Variants in MGST2 observed in about 807,000 individuals in gnomAD.
MGST2 encodes glutathione peroxidase MGST2.
Under a neutral mutation model 16.6 loss-of-function variants are expected in MGST2, and 9 were observed. The ratio of observed to expected loss-of-function variants is 0.54; its 90% CI spans 0.33 to 0.95. The LOEUF is 0.95. Ranked by LOEUF, MGST2 falls within the 40% of genes least tolerant of loss-of-function variation. The pLI is 0.03. For missense variants in MGST2, 159 were observed against 175.1 expected, an observed-to-expected ratio of 0.91 and a Z score of 0.52; for synonymous variants, 79 against 68.0, an observed-to-expected ratio of 1.16 and a Z score of -0.79.
downstream of MGST2, among the ~76,000 whole-genome samples, chr4:139,741,878 T>C (rs1184599639): frequency 1.3e-5 from 2 of 152,204 alleles, no homozygotes; most frequent in Non-Finnish European, 2.9e-5. Context: ...ATAAAAACAT[T>C]GCATTTTTAA....
Position 139,719,409 on chromosome 4 carries a change from C to G in MGST2, c.*48+15213C>G, listed in dbSNP as rs187513501. 154 of 1,614,014 alleles carry G rather than the reference C, an allele frequency of 9.5e-5. 2 individuals are homozygous for G. In the East Asian group the frequency reaches 3.4e-3, roughly 36 times the overall value. The stretch of plus-strand genomic sequence containing the variant: ...ATGATGGAGTCCACAAGGTCTGCAC[C>G]GTCCGGGAGGCCAGGGAAGGAACCC... On this transcript the variant is annotated intron_variant, in intron 5 of 5. Coordinates refer to the MGST2 transcript ENST00000616265.
chr4:139,676,422 G>A (rs1195575134), intron 1 of MGST2, among the ~76,000 whole-genome samples: 35 of 152,116 alleles, frequency 2.3e-4, no homozygotes, highest in Admixed American at 2.3e-3. Flanking sequence ...ACACAGTTGT[G>A]GGGGCTGGCA....
At position 139,693,348 on chromosome 4, in the gene MGST2, T is replaced by C. The variant is rs1726723908; in HGVS notation, c.159-1849T>C. On this transcript the variant is annotated intron_variant, in intron 2 of 4. Transcript: ENST00000265498. ...TGAACCCAGGAGGCGGAGCTTGTAG[T>C]GAGCCGAGATCGTGCCACTGCACTC... is the stretch of plus-strand genomic sequence containing the variant. 2.8e-5 allele frequency among the ~76,000 whole-genome samples: 4 copies of C among 142,174 alleles called. No homozygotes were observed. The Admixed American group carries it at 3.1e-4, about 11-fold the overall frequency. The allele number at this position is 142,174 out of a possible 152,430, so 93.3% of individuals were successfully genotyped here.
intron 5 of MGST2, among the ~76,000 whole-genome samples, chr4:139,722,364 G>A (rs1431539175): frequency 2.0e-5 from 3 of 152,084 alleles, no homozygotes; most frequent in Non-Finnish European, 2.9e-5. Context: ...TATGCCTTCC[G>A]TGATTTTAAA....
At chr4:139,682,311 A>C (rs1170816479) in intron 2 of MGST2, among the ~76,000 whole-genome samples, 1 of 151,986 alleles carries the variant, frequency 6.6e-6, no homozygotes, top group Non-Finnish European at 1.5e-5. Context: ...CCTGGGGGGT[A>C]AGTTGGGTGG....
chr4:139,729,418 G>A (rs772624556), intron 5 of MGST2, among the ~76,000 whole-genome samples: 9 of 152,210 alleles, frequency 5.9e-5, no homozygotes, highest in Admixed American at 2.0e-4. Flanking sequence ...CCAGAAGTTC[G>A]AGACCAGCCT....
chr4:139,730,775 G>T, intron 5 of MGST2: 2 of 1,032,620 alleles, frequency 1.9e-6, no homozygotes, highest in Non-Finnish European at 2.8e-6. Flanking sequence ...CCAGCTTATG[G>T]ACTGGAGGGT....
chr4:139,692,164 A>C (rs1244978771), intron 2 of MGST2, among the ~76,000 whole-genome samples: 2 of 152,188 alleles, frequency 1.3e-5, no homozygotes, highest in African/African-American at 2.4e-5. Flanking sequence ...AGCCACTTGT[A>C]GGGGACAAAG....
chr4:139,666,006 G>A lies in MGST2; in HGVS notation c.-14G>A, dbSNP rs773629733. 5 of 1,614,036 alleles carry A rather than the reference G, an allele frequency of 3.1e-6. No homozygotes were observed. Among genetic ancestry groups the A allele is most frequent in the South Asian group, 2.2e-5 (2 of 91,070 alleles). On this transcript the variant is annotated 5_prime_UTR_variant, in exon 1 of 5. Coordinates refer to ENST00000265498, the MANE Select transcript of MGST2 (RefSeq NM_002413.5). ...TATCTTCCCGTGCGCTCTACAAATA[G>A]TTCCGTGAGAAAGATGGCCGGGAAC...
chr4:139,750,064 G>A, the MGST2 span, among the ~76,000 whole-genome samples: 1 of 152,128 alleles, frequency 6.6e-6, no homozygotes, highest in African/African-American at 2.4e-5. Flanking sequence ...GCCAAACACA[G>A]CCGTGAAACA....
chr4:139,691,039 C>T (rs770295998), intron 2 of MGST2, among the ~76,000 whole-genome samples: 1 of 152,200 alleles, frequency 6.6e-6, no homozygotes, highest in Admixed American at 6.5e-5. Flanking sequence ...ATTCCTCAGT[C>T]CCAGGCAAAC....
chr4:139,699,864 C>A (rs1335016527), intron 3 of MGST2, among the ~76,000 whole-genome samples: 2 of 151,918 alleles, frequency 1.3e-5, no homozygotes, highest in Admixed American at 6.6e-5. Context: ...CAAAGGAGAC[C>A]CTGTGTCTAC....
At chr4:139,725,348 T>C (rs1442299318) in intron 5 of MGST2, among the ~76,000 whole-genome samples, 1 of 152,194 alleles carries the variant, frequency 6.6e-6, no homozygotes, top group Non-Finnish European at 1.5e-5. Context: ...TGGCACAAGA[T>C]TTTTGCCCCT....
At chr4:139,734,275 A>T (rs1242176923) in intron 5 of MGST2, among the ~76,000 whole-genome samples, 1 of 152,228 alleles carries the variant, frequency 6.6e-6, no homozygotes, top group Non-Finnish European at 1.5e-5. Flanking sequence ...TAAGAAGGAC[A>T]CACACTGTGT....
the MGST2 span, among the ~76,000 whole-genome samples, chr4:139,745,804 G>C: frequency 5.0e-4 from 76 of 152,336 alleles, 1 homozygote; most frequent in Middle Eastern, 0.01. Context: ...GTTTTTGACA[G>C]GGAGTAGAAC....
chr4:139,677,686 A>G (rs1012489900), intron 1 of MGST2, among the ~76,000 whole-genome samples: 2 of 152,098 alleles, frequency 1.3e-5, no homozygotes, highest in Non-Finnish European at 2.9e-5. Context: ...TATTTTTAGT[A>G]GAGACAGGGT....
At chr4:139,740,109 C>T (rs1729109589) in intron 5 of MGST2, 2 of 152,158 alleles carry the variant, frequency 1.3e-5, no homozygotes, top group Admixed American at 6.5e-5. Flanking sequence ...TCCTAAGTCC[C>T]AGAGGAAGGG....
intron 5 of MGST2, among the ~76,000 whole-genome samples, chr4:139,739,559 T>A (rs992078430): frequency 5.3e-5 from 8 of 152,134 alleles, no homozygotes; most frequent in African/African-American, 1.7e-4. Context: ...ATTAAATAAA[T>A]TATGGTACAT....
chr4:139,725,647 T>A, intron 5 of MGST2: 2 of 1,134,250 alleles, frequency 1.8e-6, no homozygotes, highest in Non-Finnish European at 2.6e-6. Context: ...TTTTGAGTAT[T>A]TCCTGGACAC....
Sources: allele counts gnomAD v4.1 joint callset (sites outside exome capture counted in the v4.1 genomes callset), GRCh38; gene constraint gnomAD v4.1.1; transcripts MANE v1.5; gene names NCBI Gene and HGNC (gene_info 2026-07-23, HGNC 2026-07-21).